The following STX3 variants were observed in gnomAD, a reference collection of about 807,000 sequenced individuals.
STX3 encodes syntaxin 3.
STX3 carries 19 observed loss-of-function variants against 40.2 expected under a neutral mutation model. That is an observed-to-expected ratio of 0.47 (90% CI 0.33 to 0.69). The LOEUF is 0.69. Ranked by LOEUF, STX3 falls within the 30% of genes least tolerant of loss-of-function variation. The probability of loss-of-function intolerance (pLI) is 0.02; values close to 1 mark genes in which losing one functional copy is unlikely to be tolerated. For missense variants in STX3, 364 were observed against 366.7 expected, an observed-to-expected ratio of 0.99 and a Z score of 0.06; for synonymous variants, 122 against 132.2, an observed-to-expected ratio of 0.92 and a Z score of 0.53.
chr11:59,774,045 A>T (rs927297365), intron 2 of STX3, among the ~76,000 whole-genome samples: 1 of 151,934 alleles, frequency 6.6e-6, no homozygotes, highest in Non-Finnish European at 1.5e-5. Flanking sequence ...GAGAAACCAA[A>T]CTGCCAGTTT....
rs1865967459 is a variant in STX3 at position 59,803,313 on chromosome 11, TG to T, written c.*2493del. On this transcript the variant is annotated 3_prime_UTR_variant, in exon 11 of 11. Transcript: ENST00000337979. ...TTGCCTGAAAAAGGTGAGCCATCTG[TG>T]GGGAGGGTCAGACCTTCTTTCACTG... The T allele has an allele frequency of 4.9e-6, 6 of 1,229,998 alleles. No individual in the cohort carries two copies. Among genetic ancestry groups the T allele is most frequent in the Non-Finnish European group, 5.1e-6 (5 of 986,524 alleles). 76.2% of individuals were successfully genotyped at this position (1,229,998 alleles called of 1,614,324 possible). A position where few individuals can be genotyped will look rare whatever the true frequency, so the allele number is the denominator to read the frequency against.
chr11:59,793,165 C>G lies in STX3; in HGVS notation c.533C>G (p.Thr178Ser). The change falls in exon 7 of 11, where the codon ACT becomes AGT. Residue 178 changes from threonine to serine, a missense_variant. Transcript: ENST00000337979. ...MLESGNPAIF[T>S]SGIIDSQISK... Reference sequence around the variant, plus strand: ...GAGAGTGGCAACCCGGCCATCTTCACTTCTGGGGTGAGTGCCCTGTGTGCT... The same window carrying G: ...GAGAGTGGCAACCCGGCCATCTTCAGTTCTGGGGTGAGTGCCCTGTGTGCT... 1 of 1,613,318 alleles carries G rather than the reference C, an allele frequency of 6.2e-7. No individual in the cohort carries two copies. The highest frequency in any genetic ancestry group is 8.5e-7 in the Non-Finnish European group (1 of 1,179,926).
At chr11:59,778,102 G>A (rs1050488166) in intron 2 of STX3, among the ~76,000 whole-genome samples, 1 of 152,086 alleles carries the variant, frequency 6.6e-6, no homozygotes, top group East Asian at 1.9e-4. Context: ...GGGATGCAAG[G>A]CAAGTGTTCC....
chr11:59,801,211 C>A lies in STX3; in HGVS notation c.*387C>A. 9.0e-7 allele frequency: 1 copy of A among 1,116,958 alleles called. No individual in the cohort carries two copies. Among genetic ancestry groups the A allele is most frequent in the Non-Finnish European group, 1.1e-6 (1 of 912,660 alleles). The allele number at this position is 1,116,958 out of a possible 1,614,324, so 69.2% of individuals were successfully genotyped here. ...TTTTCTACCTCATGGAGTATTCTCC[C>A]AGAAACTGCAATGTATTTTTTTAGG... On this transcript the variant is annotated 3_prime_UTR_variant, in exon 11 of 11. Transcript: ENST00000337979.
chr11:59,779,562 A>G (rs1160353436), intron 2 of STX3, among the ~76,000 whole-genome samples: 1 of 152,250 alleles, frequency 6.6e-6, no homozygotes, highest in Non-Finnish European at 1.5e-5. Context: ...TTGTAGTGAT[A>G]TAAGAAGCAT....
chr11:59,790,820 C>G (rs1865099371), intron 5 of STX3, among the ~76,000 whole-genome samples: 1 of 152,128 alleles, frequency 6.6e-6, no homozygotes, highest in South Asian at 2.1e-4. Context: ...TTCAGGCTTC[C>G]TAGAGCACAG....
Position 59,805,566 on chromosome 11 carries a change from A to G in STX3, c.*4742A>G, listed in dbSNP as rs909520480. ...CTGCAGCTGGTTGGGTCTGGAAAACATTAATCTGGGCAAACGGAGCTGGAG... is the reference window on the plus strand; with the variant it reads ...CTGCAGCTGGTTGGGTCTGGAAAACGTTAATCTGGGCAAACGGAGCTGGAG... On this transcript the variant is annotated 3_prime_UTR_variant, in exon 11 of 11. Coordinates refer to ENST00000337979, the MANE Select transcript of STX3 (RefSeq NM_004177.5). 6 of 152,224 alleles carry G rather than the reference A, an allele frequency of 3.9e-5. No homozygotes were observed. The highest frequency in any genetic ancestry group is 1.4e-4 in the African/African-American group (6 of 41,452). The allele number at this position is 152,224 out of a possible 1,614,324, so 9.4% of individuals were successfully genotyped here.
At chr11:59,782,876 G>A (rs1864489404) in intron 2 of STX3, among the ~76,000 whole-genome samples, 1 of 151,672 alleles carries the variant, frequency 6.6e-6, no homozygotes, top group African/African-American at 2.4e-5. Flanking sequence ...GCGGGTGCCT[G>A]TAATCCCAGC....
intron 1 of STX3, among the ~76,000 whole-genome samples, chr11:59,772,975 ACACACACAC>A (rs1228479646): frequency 2.8e-5 from 1 of 35,996 alleles, no homozygotes; most frequent in African/African-American, 1.0e-4. Flanking sequence ...CCTGAAAGAA[ACACACACAC>A]ACACACACAC....
At chr11:59,779,685 G>A (rs547962154) in intron 2 of STX3, among the ~76,000 whole-genome samples, 2 of 152,232 alleles carry the variant, frequency 1.3e-5, no homozygotes, top group East Asian at 1.9e-4. Flanking sequence ...GCAACACGTG[G>A]TCCTAGTGCT....
At chr11:59,787,805 G>A (rs974553452) in intron 3 of STX3, among the ~76,000 whole-genome samples, 5 of 152,190 alleles carry the variant, frequency 3.3e-5, no homozygotes, top group African/African-American at 7.2e-5. Flanking sequence ...AAATCCGTGC[G>A]TTCCACGGTT....
chr11:59,796,642 G>T (rs1459119666), intron 9 of STX3, among the ~76,000 whole-genome samples: 1 of 152,122 alleles, frequency 6.6e-6, no homozygotes, highest in African/African-American at 2.4e-5. Flanking sequence ...CTCTTAAAAT[G>T]GAAAAAATCA....
chr11:59,790,694 T>C, intron 5 of STX3, 108 bp downstream of exon 5: 1 of 807,730 alleles, frequency 1.2e-6, no homozygotes, highest in South Asian at 1.6e-5. Flanking sequence ...TGAAACTCAA[T>C]TTGAAGACCT....
chr11:59,782,785 G>T (rs1420568339), intron 2 of STX3, among the ~76,000 whole-genome samples: 1 of 151,632 alleles, frequency 6.6e-6, no homozygotes, highest in Non-Finnish European at 1.5e-5. Context: ...TTGAGCTCAG[G>T]AGTTAGAGAC....
intron 1 of STX3, among the ~76,000 whole-genome samples, chr11:59,770,219 G>A (rs1383787831): frequency 6.6e-6 from 1 of 150,522 alleles, no homozygotes; most frequent in Non-Finnish European, 1.5e-5. Context: ...GAGGTGGGGT[G>A]TATGTGTGTA....
chr11:59,803,141 T>C lies in STX3; in HGVS notation c.*2317T>C, dbSNP rs972347424. The C allele has an allele frequency of 1.6e-6, 2 of 1,230,644 alleles. No individual in the cohort carries two copies. Among genetic ancestry groups the C allele is most frequent in the African/African-American group, 1.6e-5 (1 of 64,390 alleles). The allele number at this position is 1,230,644 out of a possible 1,614,324, so 76.2% of individuals were successfully genotyped here. ...CTTCACACCCTCTTCCATGTCCACA[T>C]GCACTTATCTCCCTGCAGAATACTT... On this transcript the variant is annotated 3_prime_UTR_variant, in exon 11 of 11. Coordinates refer to ENST00000337979, the MANE Select transcript of STX3 (RefSeq NM_004177.5).
chr11:59,780,790 A>G (rs1015970538), intron 2 of STX3, among the ~76,000 whole-genome samples: 4 of 152,228 alleles, frequency 2.6e-5, no homozygotes, highest in African/African-American at 9.6e-5. Flanking sequence ...CCATCCCTGC[A>G]TAAACAATCC....
rs1865927253 is a variant in STX3 at position 59,802,543 on chromosome 11, A to C, written c.*1719A>C. 1.0e-6 allele frequency: 1 copy of C among 985,884 alleles called. No individual in the cohort carries two copies. The highest frequency in any genetic ancestry group is 1.2e-6 in the Non-Finnish European group (1 of 829,944). 61.1% of individuals were successfully genotyped at this position (985,884 alleles called of 1,614,324 possible). A position where few individuals can be genotyped will look rare whatever the true frequency, so the allele number is the denominator to read the frequency against. ...TGGATGGGCTCCAGCAACAAGAGAC[A>C]AAATAACTAAAGGCCTTTGCTCTCC... On this transcript the variant is annotated 3_prime_UTR_variant, in exon 11 of 11. Coordinates refer to ENST00000337979, the MANE Select transcript of STX3 (RefSeq NM_004177.5).
chr11:59,786,440 C>T (rs1348745361), intron 2 of STX3, among the ~76,000 whole-genome samples: 5 of 147,274 alleles, frequency 3.4e-5, no homozygotes, highest in East Asian at 2.0e-4. Flanking sequence ...TTAGTAGAGA[C>T]GGGGTTTCAC....
Sources: allele counts gnomAD v4.1 joint callset (sites outside exome capture counted in the v4.1 genomes callset), GRCh38; gene constraint gnomAD v4.1.1; transcripts MANE v1.5; gene names NCBI Gene and HGNC (gene_info 2026-07-23, HGNC 2026-07-21).